The following TMEM223 variants were observed in gnomAD, a reference collection of about 807,000 sequenced individuals.
TMEM223 encodes transmembrane protein 223.
A neutral mutation model predicts 14.1 loss-of-function variants in TMEM223; 14 were observed. That is an observed-to-expected ratio of 0.99 (90% CI 0.66 to 1.55). TMEM223 has a LOEUF of 1.55. Ranked by LOEUF, TMEM223 falls within the 40% of genes most tolerant of loss-of-function variation. The pLI, the probability that TMEM223 is intolerant of heterozygous loss-of-function variation, is 0.00. For synonymous variants in TMEM223, 145 were observed against 120.5 expected (o/e 1.20, Z -1.33); for missense variants, 346 against 269.9 (o/e 1.28, Z -1.97).
intron 1 of TMEM223, chr11:62,777,922 C>G: frequency 9.4e-6 from 15 of 1,592,200 alleles, no homozygotes; most frequent in Non-Finnish European, 1.3e-5. Flanking sequence ...ATCCTGGATC[C>G]TGACGCCTGC....
intron 1 of TMEM223, among the ~76,000 whole-genome samples, chr11:62,779,945 C>A (rs1392809130): frequency 2.4e-5 from 3 of 125,080 alleles, no homozygotes; most frequent in Admixed American, 8.5e-5. Context: ...GGATTACAGG[C>A]GTGAGCCTAT....
chr11:62,774,276 C>T (rs189602064), intron 2 of TMEM223, among the ~76,000 whole-genome samples: 292 of 152,196 alleles, frequency 1.9e-3, no homozygotes, highest in African/African-American at 6.9e-3. Flanking sequence ...TGGGGTTTCA[C>T]CGTGTTAACC....
exon 3 of TMEM223, chr11:62,772,132 C>T: frequency 2.2e-6 from 1 of 456,160 alleles, no homozygotes; most frequent in Non-Finnish European, 4.4e-6. Flanking sequence ...GATTTCCTTG[C>T]CTGTGAAATA....
Position 62,777,979 on chromosome 11 carries a change from C to G in TMEM223, c.315-3314G>C, listed in dbSNP as rs1221103787. ...CTCTCCAATTCCCTTTTTCCTCAGG[C>G]TGTGTGTGGTTACGGATCACAGGAG... On this transcript the variant is annotated intron_variant, in intron 1 of 2. Coordinates refer to the TMEM223 transcript ENST00000528367. The G allele has an allele frequency of 3.1e-6, 5 of 1,613,896 alleles. No homozygotes were observed. The Admixed American group carries it at 6.7e-5, about 22-fold the overall frequency.
At chr11:62,788,855 C>T (rs1217320554), downstream of TMEM223, among the ~76,000 whole-genome samples, 2 of 152,196 alleles carry the variant, frequency 1.3e-5, no homozygotes, top group African/African-American at 2.4e-5. Flanking sequence ...TGTGATTCCC[C>T]AGCAGGCCCT....
At chr11:62,786,394 T>C (rs373387773), downstream of TMEM223, 32 of 1,611,344 alleles carry the variant, frequency 2.0e-5, no homozygotes, top group African/African-American at 3.2e-4. Context: ...TTCTGGTGAG[T>C]ACCGTCCCCT....
At chr11:62,777,883 G>T in intron 1 of TMEM223, 1 of 1,418,592 alleles carries the variant, frequency 7.0e-7, no homozygotes. Flanking sequence ...CTTCAAACGT[G>T]GGCTCTCTGC....
downstream of TMEM223, among the ~76,000 whole-genome samples, chr11:62,785,389 C>T (rs1228873065): frequency 6.6e-6 from 1 of 151,122 alleles, no homozygotes; most frequent in Admixed American, 6.6e-5. Flanking sequence ...GACGGGGTTT[C>T]ACTGTGCTGG....
At chr11:62,776,577 A>G (rs1226550715) in intron 1 of TMEM223, 38 of 1,085,782 alleles carry the variant, frequency 3.5e-5, no homozygotes, top group Non-Finnish European at 5.0e-5. Context: ...GCTGCCGGGC[A>G]TGGTGGCTCA....
At chr11:62,782,200 G>C (rs2084235254) in intron 1 of TMEM223, 1 of 1,614,144 alleles carries the variant, frequency 6.2e-7, no homozygotes, top group Non-Finnish European at 8.5e-7. Flanking sequence ...CCTGTGCTTG[G>C]GGCCCTATGT....
At chr11:62,788,977 A>C, downstream of TMEM223, 154 of 1,564,870 alleles carry the variant, frequency 9.8e-5, no homozygotes, top group Non-Finnish European at 1.2e-4. Context: ...GACTGTATCT[A>C]GAGACATTAA....
downstream of TMEM223, among the ~76,000 whole-genome samples, chr11:62,788,814 C>T (rs969242310): frequency 1.3e-5 from 2 of 152,154 alleles, no homozygotes; most frequent in African/African-American, 4.8e-5. Flanking sequence ...ATATTCATTG[C>T]CTATTTTCTG....
downstream of TMEM223, chr11:62,787,302 T>G (rs758466237): frequency 6.5e-7 from 1 of 1,534,254 alleles, no homozygotes; most frequent in Admixed American, 2.0e-5. Context: ...TCTGAGTCAG[T>G]GGCCCCTTCG....
chr11:62,786,918 C>G (rs751757058), downstream of TMEM223: 47 of 1,495,442 alleles, frequency 3.1e-5, no homozygotes, highest in Non-Finnish European at 4.1e-5. Context: ...TCAGCCCGCA[C>G]GGCGACGAGA....
At chr11:62,784,343 C>T (rs1306486396), downstream of TMEM223, among the ~76,000 whole-genome samples, 1 of 140,924 alleles carries the variant, frequency 7.1e-6, no homozygotes, top group Non-Finnish European at 1.5e-5. Flanking sequence ...CTCGCTCTGA[C>T]ACCCAGGCTG....
At chr11:62,777,261 A>C (rs986946216) in intron 1 of TMEM223, among the ~76,000 whole-genome samples, 2 of 152,190 alleles carry the variant, frequency 1.3e-5, no homozygotes, top group Non-Finnish European at 2.9e-5. Flanking sequence ...TGGAAGGCGT[A>C]GGTTGCAGTG....
At chr11:62,775,011 C>T (rs2084175409) in intron 1 of TMEM223, among the ~76,000 whole-genome samples, 1 of 148,986 alleles carries the variant, frequency 6.7e-6, no homozygotes, top group Admixed American at 6.7e-5. Context: ...TTGCAGTGAG[C>T]TGAGATCGCG....
rs190340818 is a variant in TMEM223 at position 62,779,486 on chromosome 11, T to C, written c.315-4821A>G. ...CTGGGATTACAAGTGTGAGCCACCG[T>C]GCCCAGCCTTATATTTTTAATAGAG... On this transcript the variant is annotated intron_variant, in intron 1 of 2. Transcript: ENST00000528367. 5.2e-3 allele frequency among the ~76,000 whole-genome samples: 793 copies of C among 152,076 alleles called. 6 individuals carry two copies. The highest frequency in any genetic ancestry group is 0.019 in the African/African-American group (768 of 41,488).
chr11:62,776,233 T>C, intron 1 of TMEM223: 1 of 790,322 alleles, frequency 1.3e-6, no homozygotes, highest in South Asian at 1.7e-5. Flanking sequence ...GGGGGGTGTT[T>C]TTGTACAGGA....
Sources: allele counts gnomAD v4.1 joint callset (sites outside exome capture counted in the v4.1 genomes callset), GRCh38; gene constraint gnomAD v4.1.1; transcripts MANE v1.5; gene names NCBI Gene and HGNC (gene_info 2026-07-23, HGNC 2026-07-21).